FAT1: variants seen among roughly 807,000 people sequenced by gnomAD.
FAT1 encodes protocadherin Fat 1.
In FAT1, 171 loss-of-function variants were observed where a neutral mutation model predicts 329.8. That is an observed-to-expected ratio of 0.52 (90% CI 0.46 to 0.59). The LOEUF (loss-of-function observed/expected upper bound fraction) is 0.59. Ranked by LOEUF, FAT1 falls within the 20% of genes least tolerant of loss-of-function variation. The pLI is 0.00. For synonymous variants in FAT1, 2,233 were observed against 2,228.6 expected (o/e 1.00, Z -0.06); for missense variants, 5,672 against 5,774.4 (o/e 0.98, Z 0.57).
At position 186,673,403 on chromosome 4, in the gene FAT1, T is replaced by C. The variant is rs77058774; in HGVS notation, c.3266-9790A>G. ...TCATTTTTAAGTATTTCTGTTTCAT[T>C]TGAGTAGATATATGACAATGGATAT... On this transcript the variant is annotated intron_variant, in intron 2 of 26. Transcript: ENST00000441802. Among the ~76,000 whole-genome samples the C allele has an allele frequency of 9.2e-5, 14 of 152,332 alleles. No individual in the cohort carries two copies. In the East Asian group the frequency reaches 2.7e-3, roughly 29 times the overall value.
intron 2 of FAT1, among the ~76,000 whole-genome samples, chr4:186,668,056 C>T (rs1177349037): frequency 2.6e-5 from 4 of 152,214 alleles, no homozygotes; most frequent in South Asian, 2.1e-4. Flanking sequence ...GGACAACAGA[C>T]GGGAGACGAT....
At chr4:186,719,792 A>G (rs1227445276) in intron 1 of FAT1, among the ~76,000 whole-genome samples, 1 of 152,234 alleles carries the variant, frequency 6.6e-6, no homozygotes, top group Non-Finnish European at 1.5e-5. Context: ...CAATTTCTCA[A>G]AATGGTTCCC....
intron 26 of FAT1, among the ~76,000 whole-genome samples, chr4:186,594,686 A>ATATATG (rs1322745174): frequency 6.9e-6 from 1 of 144,106 alleles, no homozygotes; most frequent in Non-Finnish European, 1.5e-5. Flanking sequence ...GTATATATAT[A>ATATATG]TATATATATA....
chr4:186,652,906 TTTAGGGA>T (rs1741732953), intron 3 of FAT1, among the ~76,000 whole-genome samples: 1 of 152,246 alleles, frequency 6.6e-6, no homozygotes, highest in African/African-American at 2.4e-5. Flanking sequence ...TACTGCGTGC[TTTAGGGA>T]TTACCACACA....
Position 186,628,299 on chromosome 4 carries a change from C to A in FAT1, c.4665G>T (p.Thr1555=). ...FARIVVNVSD[T]NDHAPWFTAS... ...CGGTGAACCACGGGGCGTGGTCATT[C>A]GTGTCGCTGACATTGACCACAATCC... is the stretch of plus-strand genomic sequence containing the variant. Residue 1555 remains threonine, a synonymous_variant, in exon 9 of 27, where the codon ACG becomes ACT. Coordinates refer to ENST00000441802, the MANE Select transcript of FAT1 (RefSeq NM_005245.4). 6.2e-7 allele frequency: 1 copy of A among 1,613,592 alleles called. No homozygotes were observed.
intron 3 of FAT1, among the ~76,000 whole-genome samples, chr4:186,655,129 T>C (rs1043941557): frequency 1.1e-4 from 16 of 152,212 alleles, no homozygotes; most frequent in African/African-American, 3.9e-4. Context: ...AGGTAGCAGC[T>C]GTCAAAGAGC....
intron 26 of FAT1, among the ~76,000 whole-genome samples, chr4:186,594,920 C>G (rs1738429884): frequency 6.6e-6 from 1 of 151,604 alleles, no homozygotes; most frequent in Non-Finnish European, 1.5e-5. Flanking sequence ...TACGTTTATA[C>G]AATAAAAATT....
Position 186,707,400 on chromosome 4 carries a change from C to G in FAT1, c.2428G>C (p.Val810Leu), listed in dbSNP as rs759413243. The G allele has an allele frequency of 6.2e-7, 1 of 1,614,034 alleles. No homozygotes were observed. The highest frequency in any genetic ancestry group is 8.5e-7 in the Non-Finnish European group (1 of 1,179,908). ...TTATCATTGGCATCGACAACCACGA[C>G]ATGTAGAAGACGCCACGCAGCCTTC... ...PQKAAWRLLH[V>L]VVVDANDNPP... Residue 810 changes from valine (V) to leucine (L), a missense_variant, in exon 2 of 27, where the codon GTC becomes CTC. Val to Leu is a conservative substitution (Grantham distance 32, BLOSUM62 1). Around this residue, in one of 2 missense-constraint regions of FAT1, gnomAD observed 3,966 missense variants for 3,915.2 expected, o/e 1.01. Transcript: ENST00000441802.
At position 186,618,098 on chromosome 4, in the gene FAT1, GAATTACT is replaced by G; in HGVS notation, c.8481_8487del (p.Arg2827SerfsTer44). ...GAGTCAGCATCAGATGCCCTGATCT[GAATTACT>G]CTACTTCCCCCTGGCAGGTTTTCAA... On this transcript the variant is annotated frameshift_variant, in exon 10 of 27. Transcript: ENST00000441802. LOFTEE classifies it high-confidence loss of function. 6.2e-7 allele frequency: 1 copy of G among 1,613,974 alleles called. No homozygotes were observed.
chr4:186,643,656 C>T (rs1741205147), intron 3 of FAT1, among the ~76,000 whole-genome samples: 1 of 152,118 alleles, frequency 6.6e-6, no homozygotes, highest in Non-Finnish European at 1.5e-5. Flanking sequence ...CAGCAATCAA[C>T]CACACTGAGT....
At position 186,597,677 on chromosome 4, in the gene FAT1, T is replaced by C; in HGVS notation, c.12368+5A>G. On this transcript the variant is annotated splice_donor_5th_base_variant and intron_variant, in intron 24 of 26. Coordinates refer to ENST00000441802, the MANE Select transcript of FAT1 (RefSeq NM_005245.4). Reference sequence around the variant, plus strand: ...TGAACCTAAATTTTGAAAGAAACCATTTACCTTTCTCCCCTAAAACCCGAA... The same window carrying C: ...TGAACCTAAATTTTGAAAGAAACCACTTACCTTTCTCCCCTAAAACCCGAA... The C allele has an allele frequency of 1.9e-6, 3 of 1,610,350 alleles. No homozygotes were observed. The highest frequency in any genetic ancestry group is 1.7e-6 in the Non-Finnish European group (2 of 1,176,754).
chr4:186,662,621 A>G (rs1362918711), intron 3 of FAT1, among the ~76,000 whole-genome samples: 1 of 152,176 alleles, frequency 6.6e-6, no homozygotes, highest in Non-Finnish European at 1.5e-5. Flanking sequence ...CTGTGAAATA[A>G]ACTCTTTTAA....
intron 3 of FAT1, among the ~76,000 whole-genome samples, chr4:186,655,962 C>A (rs991128191): frequency 7.9e-5 from 12 of 152,234 alleles, no homozygotes; most frequent in African/African-American, 2.9e-4. Flanking sequence ...CCTGAAAGTA[C>A]CTGCAAAGGC....
upstream of FAT1, among the ~76,000 whole-genome samples, chr4:186,724,382 C>T (rs888498602): frequency 6.6e-6 from 1 of 152,092 alleles, no homozygotes; most frequent in Non-Finnish European, 1.5e-5. This position sits in a 1 kb window ranked among gnomAD's most constrained non-coding sequence, Gnocchi z 5.3. Context: ...CTACTTCCTC[C>T]TTCAATCCCC....
At chr4:186,600,612 G>A (rs1738767436) in intron 21 of FAT1, among the ~76,000 whole-genome samples, 1 of 152,204 alleles carries the variant, frequency 6.6e-6, no homozygotes, top group Non-Finnish European at 1.5e-5. Flanking sequence ...GAACACATAA[G>A]CATTAGGTAA....
In FAT1 at chr4:186,604,502, G is replaced by A. The variant is rs2126439416; in HGVS notation, c.10423C>T (p.Pro3475Ser). The change falls in exon 18 of 27, where the codon CCC becomes TCC. Residue 3475 changes from proline to serine, a missense_variant. Physicochemically the swap from Pro to Ser is moderately conservative, Grantham distance 74. Around this residue, in one of 2 missense-constraint regions of FAT1, gnomAD observed 1,706 missense variants for 1,859.1 expected, o/e 0.92. Coordinates refer to ENST00000441802, the MANE Select transcript of FAT1 (RefSeq NM_005245.4). ...TDEDSSHNGPPFFFTIVTGND... is the reference protein window; with the variant it reads ...TDEDSSHNGPSFFFTIVTGND... ...CCAGTTACAATAGTAAAGAAGAAGG[G>A]TGGACCGTTATGGGAAGAATCCTCA... 1 of 1,613,766 alleles carries A rather than the reference G, an allele frequency of 6.2e-7. No homozygotes were observed. Among genetic ancestry groups the A allele is most frequent in the South Asian group, 1.1e-5 (1 of 91,070 alleles).
At chr4:186,674,767 T>A (rs1257079639) in intron 2 of FAT1, among the ~76,000 whole-genome samples, 2 of 152,212 alleles carry the variant, frequency 1.3e-5, no homozygotes, top group Non-Finnish European at 2.9e-5. Context: ...GGTACAGTGG[T>A]TCACACCTGT....
chr4:186,588,164 C>T lies in FAT1; in HGVS notation c.*428G>A, dbSNP rs1028023428. ...AAAATCAGGGTGCTAGATAATGGCA[C>T]TGACACCACCAAAATTCAGTTGAAA... On this transcript the variant is annotated 3_prime_UTR_variant, in exon 27 of 27. Transcript: ENST00000441802. The T allele has an allele frequency of 4.4e-5, 10 of 228,758 alleles. No homozygotes were observed. Among genetic ancestry groups the T allele is most frequent in the Admixed American group, 1.6e-4 (3 of 18,944 alleles). The allele number at this position is 228,758 out of a possible 1,614,324, so 14.2% of individuals were successfully genotyped here. A position where few individuals can be genotyped will look rare whatever the true frequency, so the allele number is the denominator to read the frequency against.
At chr4:186,614,068 A>G (rs986884434) in intron 12 of FAT1, 123 bp downstream of exon 12, 13 of 748,314 alleles carry the variant, frequency 1.7e-5, no homozygotes, top group African/African-American at 3.7e-5. Context: ...TCAACTTCGG[A>G]GCATCAGAAT....
Sources: allele counts gnomAD v4.1 joint callset (sites outside exome capture counted in the v4.1 genomes callset), GRCh38; gene constraint gnomAD v4.1.1; regional missense constraint gnomAD v4.1.1; non-coding constraint Gnocchi (gnomAD v3.1); transcripts MANE v1.5; gene names NCBI Gene and HGNC (gene_info 2026-07-23, HGNC 2026-07-21).